Variants in ELMO1 observed in about 807,000 individuals in gnomAD.
The protein encoded by ELMO1 is engulfment and cell motility 1.
ELMO1 carries 26 observed loss-of-function variants against 98.9 expected under a neutral mutation model. The observed-to-expected ratio is 0.26, with a 90% CI of 0.19 to 0.36. The LOEUF (loss-of-function observed/expected upper bound fraction) is 0.36. Ranked by LOEUF, ELMO1 falls within the 10% of genes least tolerant of loss-of-function variation. The pLI is 1.00. For missense variants in ELMO1, 627 were observed against 935.2 expected, an observed-to-expected ratio of 0.67 and a Z score of 4.30; for synonymous variants, 346 against 346.0, an observed-to-expected ratio of 1.00 and a Z score of 0.00.
At chr7:37,359,209 T>C (rs763642927) in intron 1 of ELMO1, among the ~76,000 whole-genome samples, 5 of 152,262 alleles carry the variant, frequency 3.3e-5, no homozygotes, top group Admixed American at 6.5e-5. Flanking sequence ...CTTGCAGGAC[T>C]ATCTGCTTTA....
intron 15 of ELMO1, among the ~76,000 whole-genome samples, chr7:37,088,983 A>G (rs138473582): frequency 6.6e-6 from 1 of 152,366 alleles, no homozygotes; most frequent in Non-Finnish European, 1.5e-5. Flanking sequence ...GCAAGAGTAC[A>G]AGCTCGTATT....
At chr7:36,913,195 G>A (rs952245197) in intron 16 of ELMO1, among the ~76,000 whole-genome samples, 10 of 152,134 alleles carry the variant, frequency 6.6e-5, no homozygotes, top group African/African-American at 2.2e-4. Flanking sequence ...ATTAGACTGG[G>A]TTCCTCAAGG....
At chr7:37,083,555 T>G (rs1339580488) in intron 15 of ELMO1, among the ~76,000 whole-genome samples, 1 of 152,246 alleles carries the variant, frequency 6.6e-6, no homozygotes, top group Non-Finnish European at 1.5e-5. Context: ...GATTCACACT[T>G]CTAAAGATGC....
chr7:37,030,706 G>A (rs532681543), intron 15 of ELMO1, among the ~76,000 whole-genome samples: 1 of 152,038 alleles, frequency 6.6e-6, no homozygotes, highest in Non-Finnish European at 1.5e-5. Flanking sequence ...GCTCTTTCTC[G>A]TCTCCTTCAT....
At chr7:37,061,786 G>C (rs1031687991) in intron 15 of ELMO1, among the ~76,000 whole-genome samples, 1 of 152,094 alleles carries the variant, frequency 6.6e-6, no homozygotes, top group African/African-American at 2.4e-5. Context: ...AATACTCATG[G>C]GGTTTTCTCT....
chr7:37,418,677 A>G (rs145907512), intron 1 of ELMO1, among the ~76,000 whole-genome samples: 3 of 152,308 alleles, frequency 2.0e-5, no homozygotes, highest in African/African-American at 7.2e-5. Context: ...TCAGATGCTG[A>G]CCTGCAGAAG....
At chr7:37,198,970 A>G (rs1183675288) in intron 13 of ELMO1, among the ~76,000 whole-genome samples, 1 of 152,198 alleles carries the variant, frequency 6.6e-6, no homozygotes, top group Non-Finnish European at 1.5e-5. Flanking sequence ...TCATGAACAC[A>G]TCAGAGCTGC....
intron 13 of ELMO1, among the ~76,000 whole-genome samples, chr7:37,188,409 T>TACACACACAC (rs566236838): frequency 1.9e-4 from 22 of 115,860 alleles, no homozygotes; most frequent in African/African-American, 6.4e-4. Context: ...TGCTTCTTGT[T>TACACACACAC]ACACACACAC....
chr7:37,255,979 G>T (rs904113898), intron 6 of ELMO1, among the ~76,000 whole-genome samples: 2 of 152,048 alleles, frequency 1.3e-5, no homozygotes, highest in East Asian at 3.9e-4. Flanking sequence ...ATAACAACTC[G>T]TCCTCCTCCT....
intron 16 of ELMO1, among the ~76,000 whole-genome samples, chr7:36,945,044 C>T (rs114798804): frequency 0.018 from 2,698 of 152,238 alleles, 78 homozygotes; most frequent in African/African-American, 0.061. Flanking sequence ...CTCTACTCTC[C>T]GGGGATAAGG....
intron 16 of ELMO1, among the ~76,000 whole-genome samples, chr7:36,948,030 A>T (rs2129102126): frequency 6.6e-6 from 1 of 152,306 alleles, no homozygotes; most frequent in African/African-American, 2.4e-5. Flanking sequence ...GCGTTCTTTG[A>T]CTTATTATCC....
intron 8 of ELMO1, among the ~76,000 whole-genome samples, chr7:37,231,934 C>A (rs1476254667): frequency 6.6e-6 from 1 of 152,038 alleles, no homozygotes; most frequent in Non-Finnish European, 1.5e-5. Flanking sequence ...CTCACTGCAA[C>A]CTCTGCCTCC....
At chr7:36,947,711 C>G (rs1183695708) in intron 16 of ELMO1, among the ~76,000 whole-genome samples, 1 of 152,132 alleles carries the variant, frequency 6.6e-6, no homozygotes, top group Non-Finnish European at 1.5e-5. Context: ...CTAAGCTGAC[C>G]TGGCTCACCT....
At chr7:37,193,304 C>T (rs1054604829) in intron 13 of ELMO1, among the ~76,000 whole-genome samples, 4 of 152,166 alleles carry the variant, frequency 2.6e-5, no homozygotes, top group Non-Finnish European at 5.9e-5. Flanking sequence ...GCCCAACCCG[C>T]ACAGTGATTG....
In ELMO1 at chr7:36,870,634, T is replaced by TG. The variant is rs1803426566; in HGVS notation, c.1823-160dup. On this transcript the variant is annotated intron_variant, in intron 19 of 21. Transcript: ENST00000310758. The surrounding 1 kb of genome is among the most constrained non-coding windows in gnomAD (Gnocchi z 4.4). Reference sequence around the variant, plus strand: ...GAAAAGAGGAAGAGAAGCCAGGTAGTGTCCCAGGATTAGAAACTAAAATAT... The same window carrying TG: ...GAAAAGAGGAAGAGAAGCCAGGTAGTGGTCCCAGGATTAGAAACTAAAATAT... 1.3e-5 allele frequency among the ~76,000 whole-genome samples: 2 copies of TG among 152,178 alleles called. No homozygotes were observed. Among genetic ancestry groups the TG allele is most frequent in the African/African-American group, 2.4e-5 (1 of 41,436 alleles).
At chr7:37,052,595 T>C (rs927466888) in intron 15 of ELMO1, among the ~76,000 whole-genome samples, 2 of 152,164 alleles carry the variant, frequency 1.3e-5, no homozygotes. Flanking sequence ...AATAAGTCAA[T>C]ATAGACCTAT....
At chr7:37,447,702 C>T (rs562836461) in intron 1 of ELMO1, among the ~76,000 whole-genome samples, 1 of 144,568 alleles carries the variant, frequency 6.9e-6, no homozygotes, top group Admixed American at 6.9e-5. Context: ...TACATACGCG[C>T]GCGCGCACAC....
chr7:36,929,000 A>G (rs929871566), intron 16 of ELMO1, among the ~76,000 whole-genome samples: 1 of 152,202 alleles, frequency 6.6e-6, no homozygotes, highest in African/African-American at 2.4e-5. Flanking sequence ...CCAGCCACTG[A>G]GCTACATGCT....
intron 15 of ELMO1, among the ~76,000 whole-genome samples, chr7:37,025,932 T>TCTAC (rs1379128695): frequency 6.7e-6 from 1 of 149,394 alleles, no homozygotes; most frequent in African/African-American, 2.5e-5. Flanking sequence ...TATCTATCTA[T>TCTAC]CTATTTTTTT....
Sources: allele counts gnomAD v4.1 joint callset (sites outside exome capture counted in the v4.1 genomes callset), GRCh38; gene constraint gnomAD v4.1.1; non-coding constraint Gnocchi (gnomAD v3.1); transcripts MANE v1.5; gene names NCBI Gene and HGNC (gene_info 2026-07-23, HGNC 2026-07-21).